PCDH15: variants seen among roughly 807,000 people sequenced by gnomAD.
The protein encoded by PCDH15 is protocadherin-15.
In PCDH15, 129 loss-of-function variants were observed where a neutral mutation model predicts 178.5. The ratio of observed to expected loss-of-function variants is 0.72; its 90% CI spans 0.63 to 0.84. PCDH15 has a LOEUF of 0.84. Ranked by LOEUF, PCDH15 falls within the 40% of genes least tolerant of loss-of-function variation. The probability of loss-of-function intolerance (pLI) is 0.00; values close to 1 mark genes in which losing one functional copy is unlikely to be tolerated. For missense variants in PCDH15, 2,230 were observed against 2,099.9 expected, an observed-to-expected ratio of 1.06 and a Z score of -1.21; for synonymous variants, 800 against 732.0, an observed-to-expected ratio of 1.09 and a Z score of -1.50.
rs560980250 is a variant in PCDH15, at chr10:54,344,220, T to C, written c.594+2145A>G. 2.0e-5 allele frequency among the ~76,000 whole-genome samples: 3 copies of C among 152,200 alleles called. No individual in the cohort carries two copies. The East Asian group carries it at 5.8e-4, about 29-fold the overall frequency. ...ATGTCTTACTATTTTTTCCACAGAATTAAGAGCATTTTAGCTTGCTAAAAC... is the reference window on the plus strand; with the variant it reads ...ATGTCTTACTATTTTTTCCACAGAACTAAGAGCATTTTAGCTTGCTAAAAC... On this transcript the variant is annotated intron_variant, in intron 6 of 37. Transcript: ENST00000644397.
intron 8 of PCDH15, among the ~76,000 whole-genome samples, chr10:54,266,150 C>CAG (rs1450069034): frequency 6.6e-6 from 1 of 151,412 alleles, no homozygotes; most frequent in African/African-American, 2.4e-5. Flanking sequence ...GACACAAACA[C>CAG]ACACACACAC....
Position 55,227,466 on chromosome 10 carries a change from TTGATTGATTCCCAGGATAAC to T in PCDH15, c.-155-60835_-155-60816del. Among the ~76,000 whole-genome samples the T allele has an allele frequency of 4.2e-5, 2 of 47,736 alleles. 1 individual carries two copies. The highest frequency in any genetic ancestry group is 1.7e-4 in the African/African-American group (2 of 12,056). The allele number at this position is 47,736 out of a possible 152,430, so 31.3% of individuals were successfully genotyped here. Reference sequence around the variant, plus strand: ...GAAACATAGGATCTTAAGGTAAGAATTGATTGATTCCCAGGATAACTGCTGGGCAGCAGGCTTAGAGGGTA... The same window carrying T: ...GAAACATAGGATCTTAAGGTAAGAATTGCTGGGCAGCAGGCTTAGAGGGTA... On this transcript the variant is annotated intron_variant, in intron 1 of 5. Coordinates refer to the PCDH15 transcript ENST00000458638.
chr10:53,897,004 C>T (rs900995476), intron 26 of PCDH15, among the ~76,000 whole-genome samples: 1 of 151,978 alleles, frequency 6.6e-6, no homozygotes, highest in African/African-American at 2.4e-5. Flanking sequence ...TTCAGTCATC[C>T]CCAAACCATC....
At chr10:53,808,850 T>G in intron 37 of PCDH15, 1 of 1,609,248 alleles carries the variant, frequency 6.2e-7, no homozygotes, top group African/African-American at 1.3e-5. Context: ...TCCTCCTCAC[T>G]TTCCACACCT....
chr10:55,424,436 T>C (rs1236628200), intron 2 of PCDH15, among the ~76,000 whole-genome samples: 1 of 152,156 alleles, frequency 6.6e-6, no homozygotes, highest in Non-Finnish European at 1.5e-5. Flanking sequence ...TCTTACACTA[T>C]GAAAGGTCTC....
At chr10:54,025,158 C>G (rs549213008) in intron 18 of PCDH15, among the ~76,000 whole-genome samples, 1 of 152,250 alleles carries the variant, frequency 6.6e-6, no homozygotes, top group South Asian at 2.1e-4. Flanking sequence ...ACATGTCCAG[C>G]TGCTTAACTA....
chr10:54,788,791 C>A (rs925018744), intron 1 of PCDH15, among the ~76,000 whole-genome samples: 2 of 151,746 alleles, frequency 1.3e-5, no homozygotes, highest in Admixed American at 6.6e-5. Context: ...TTGGTGACAA[C>A]TGGTATGGGG....
At chr10:54,041,249 T>C (rs946692152) in intron 18 of PCDH15, among the ~76,000 whole-genome samples, 6 of 152,082 alleles carry the variant, frequency 3.9e-5, no homozygotes, top group Non-Finnish European at 7.4e-5. Flanking sequence ...TAACTAAATT[T>C]AAAAAATAGT....
chr10:53,994,528 C>T (rs149212234), intron 21 of PCDH15: 1 of 152,184 alleles, frequency 6.6e-6, no homozygotes, highest in East Asian at 1.9e-4. Context: ...TTCCTAATTT[C>T]AAAGTAATTG....
At chr10:53,850,470 C>T (rs370861182) in intron 28 of PCDH15, among the ~76,000 whole-genome samples, 3 of 152,176 alleles carry the variant, frequency 2.0e-5, no homozygotes, top group African/African-American at 7.2e-5. Context: ...CTAAATAATG[C>T]TCCAAATGAA....
chr10:54,350,708 T>C (rs935751458), intron 5 of PCDH15, among the ~76,000 whole-genome samples: 4 of 152,200 alleles, frequency 2.6e-5, no homozygotes, highest in Non-Finnish European at 5.9e-5. Context: ...CCTGGCCAGA[T>C]GCCATGGCTC....
At chr10:54,160,589 C>CA (rs1423571029) in intron 13 of PCDH15, among the ~76,000 whole-genome samples, 1 of 151,878 alleles carries the variant, frequency 6.6e-6, no homozygotes, top group Non-Finnish European at 1.5e-5. Flanking sequence ...TTTTCTCTAC[C>CA]AAAAACATAA....
rs751776634 is a variant in PCDH15 at position 54,066,709 on chromosome 10, C to T, written c.2220+48G>A. ...TGAGAATTAAAATGTAATAAACTTA[C>T]ACTCTTTGAAAAACTACATATAAGA... On this transcript the variant is annotated intron_variant, in intron 18 of 37. Transcript: ENST00000644397. 3.1e-5 allele frequency: 48 copies of T among 1,572,716 alleles called. 2 individuals are homozygous for T. In the South Asian group the frequency reaches 4.0e-4, roughly 13 times the overall value.
chr10:54,815,973 T>A (rs988157004), intron 3 of PCDH15, among the ~76,000 whole-genome samples: 1 of 152,160 alleles, frequency 6.6e-6, no homozygotes, highest in Non-Finnish European at 1.5e-5. Flanking sequence ...TATCAGTATG[T>A]CTTCTGATCA....
intron 1 of PCDH15, among the ~76,000 whole-genome samples, chr10:54,755,158 C>G: frequency 6.6e-6 from 1 of 152,014 alleles, no homozygotes; most frequent in East Asian, 1.9e-4. Flanking sequence ...TCTCGAACTC[C>G]TGACTTCAGG....
rs200601127 is a variant in PCDH15, at chr10:54,139,440, CTT to C, written c.1785-6435_1785-6434del. Among the ~76,000 whole-genome samples the C allele has an allele frequency of 6.1e-3, 925 of 152,154 alleles. 5 individuals are homozygous for C. Among genetic ancestry groups the C allele is most frequent in the African/African-American group, 0.021 (857 of 41,530 alleles). On this transcript the variant is annotated intron_variant, in intron 14 of 37. Transcript: ENST00000644397. ...AAATTGAATAAATGTTGTAGGTACA[CTT>C]TTTGTGTAATATAAAATTTTTAAAT... is the stretch of plus-strand genomic sequence containing the variant.
chr10:54,127,203 G>A (rs141376117), intron 15 of PCDH15, among the ~76,000 whole-genome samples: 43 of 152,206 alleles, frequency 2.8e-4, no homozygotes, highest in African/African-American at 1.0e-3. Context: ...CACTCCTAAA[G>A]GAACACATTA....
chr10:54,049,968 T>C (rs1590119411), intron 18 of PCDH15, among the ~76,000 whole-genome samples: 1 of 152,140 alleles, frequency 6.6e-6, no homozygotes, highest in Non-Finnish European at 1.5e-5. Flanking sequence ...AGTTAGGTAG[T>C]ATTTTGTTGA....
Position 55,131,788 on chromosome 10 carries a change from A to AG in PCDH15, c.-80+34787dup, listed in dbSNP as rs1838052547. On this transcript the variant is annotated intron_variant, in intron 2 of 5. Coordinates refer to the PCDH15 transcript ENST00000458638. ...ACTTTGTGGTTTTTATGGGCTTCAAAGGGGAGAAAGTACATGCTGATTGGT... is the reference window on the plus strand; with the variant it reads ...ACTTTGTGGTTTTTATGGGCTTCAAAGGGGGAGAAAGTACATGCTGATTGGT... Among the ~76,000 whole-genome samples the AG allele has an allele frequency of 4.6e-5, 7 of 152,026 alleles. 1 individual carries two copies. The highest frequency in any genetic ancestry group is 4.6e-4 in the Admixed American group (7 of 15,252).
Sources: allele counts gnomAD v4.1 joint callset (sites outside exome capture counted in the v4.1 genomes callset), GRCh38; gene constraint gnomAD v4.1.1; transcripts MANE v1.5; gene names NCBI Gene and HGNC (gene_info 2026-07-23, HGNC 2026-07-21).